MB21D2: variants seen among roughly 807,000 people sequenced by gnomAD.
MB21D2 encodes nucleotidyltransferase MB21D2.
Under a neutral mutation model 33.3 loss-of-function variants are expected in MB21D2, and 9 were observed. The observed-to-expected ratio is 0.27, with a 90% CI of 0.16 to 0.47. The LOEUF (loss-of-function observed/expected upper bound fraction) is 0.47. MB21D2 is among the 20% of genes least tolerant of loss of function. The pLI is 0.99. For synonymous variants in MB21D2, 241 were observed against 236.3 expected (o/e 1.02, Z -0.18); for missense variants, 540 against 624.6 (o/e 0.86, Z 1.44).
At chr3:192,807,333 C>T (rs955186289) in intron 1 of MB21D2, among the ~76,000 whole-genome samples, 61 of 82,686 alleles carry the variant, frequency 7.4e-4, no homozygotes, top group Non-Finnish European at 1.2e-3. Context: ...TCTTGAAAGG[C>T]CAAAAAAAAA....
intron 1 of MB21D2, among the ~76,000 whole-genome samples, chr3:192,829,902 T>C (rs1712275787): frequency 6.6e-6 from 1 of 152,168 alleles, no homozygotes; most frequent in Admixed American, 6.5e-5. Flanking sequence ...AATTTATTTG[T>C]TTATTGTAGA....
intron 1 of MB21D2, among the ~76,000 whole-genome samples, chr3:192,902,432 G>A (rs758980670): frequency 2.0e-4 from 31 of 152,112 alleles, no homozygotes; most frequent in Non-Finnish European, 3.4e-4. Context: ...TATAAAGTGC[G>A]GACAGGTAAC....
chr3:192,873,279 C>G (rs773481353), intron 1 of MB21D2, among the ~76,000 whole-genome samples: 57 of 152,134 alleles, frequency 3.7e-4, no homozygotes, highest in Middle Eastern at 3.2e-3. Context: ...TTCCTATATT[C>G]CAAGGAGCAT....
intron 1 of MB21D2, among the ~76,000 whole-genome samples, chr3:192,900,623 A>G (rs1375213497): frequency 6.6e-6 from 1 of 151,612 alleles, no homozygotes; most frequent in African/African-American, 2.4e-5. Context: ...TTTGCTCCCT[A>G]TTGTATTCCT....
intron 1 of MB21D2, among the ~76,000 whole-genome samples, chr3:192,835,455 CAAAA>C (rs34280688): frequency 1.6e-5 from 1 of 61,172 alleles, no homozygotes; most frequent in African/African-American, 5.7e-5. Context: ...GACTCTGTCT[CAAAA>C]AAAAAAAAAA....
intron 1 of MB21D2, among the ~76,000 whole-genome samples, chr3:192,841,594 G>A (rs1688618130): frequency 1.3e-5 from 2 of 152,364 alleles, no homozygotes; most frequent in South Asian, 4.1e-4. Context: ...GCCCAGTCAA[G>A]TGTTCCAAAG....
At chr3:192,884,572 T>C (rs1013668839) in intron 1 of MB21D2, among the ~76,000 whole-genome samples, 21 of 152,006 alleles carry the variant, frequency 1.4e-4, no homozygotes, top group Admixed American at 5.2e-4. Context: ...TTTCACCGTG[T>C]TAGCCAGGAT....
At chr3:192,830,243 T>TGTGTGTGA (rs1394958486) in intron 1 of MB21D2, among the ~76,000 whole-genome samples, 1 of 34,536 alleles carries the variant, frequency 2.9e-5, no homozygotes, top group African/African-American at 1.3e-4. Flanking sequence ...TGTGTGTGAG[T>TGTGTGTGA]GTGTGTGTGT....
intron 1 of MB21D2, among the ~76,000 whole-genome samples, chr3:192,800,215 T>C (rs1485530584): frequency 6.6e-6 from 1 of 152,170 alleles, no homozygotes; most frequent in Non-Finnish European, 1.5e-5. Flanking sequence ...AATGAGTTCA[T>C]AACTCTCTTT....
At chr3:192,804,561 C>A (rs1180037723) in intron 1 of MB21D2, among the ~76,000 whole-genome samples, 1 of 151,652 alleles carries the variant, frequency 6.6e-6, no homozygotes. Flanking sequence ...TTTTTATATA[C>A]CTTTGACTAT....
intron 1 of MB21D2, among the ~76,000 whole-genome samples, chr3:192,901,738 C>T (rs182624887): frequency 2.1e-4 from 32 of 152,312 alleles, no homozygotes; most frequent in African/African-American, 7.0e-4. Context: ...TCACATAAAA[C>T]CCAACTCAAT....
intron 1 of MB21D2, among the ~76,000 whole-genome samples, chr3:192,814,686 C>T (rs1711878034): frequency 6.6e-6 from 1 of 150,418 alleles, no homozygotes; most frequent in South Asian, 2.1e-4. Flanking sequence ...CACGGTGAAA[C>T]CCTGTCTCTA....
chr3:192,899,567 G>C (rs1165663605), intron 1 of MB21D2, among the ~76,000 whole-genome samples: 1 of 152,116 alleles, frequency 6.6e-6, no homozygotes, highest in Non-Finnish European at 1.5e-5. Flanking sequence ...TGCCCATAAT[G>C]GGTTCAGGCG....
intron 1 of MB21D2, among the ~76,000 whole-genome samples, chr3:192,912,673 CAAAAAAA>C (rs199707656): frequency 7.0e-6 from 1 of 143,474 alleles, no homozygotes; most frequent in African/African-American, 2.6e-5. Context: ...AACTGTATCT[CAAAAAAA>C]AAAGAAAAAA....
intron 1 of MB21D2, among the ~76,000 whole-genome samples, chr3:192,815,857 T>C (rs1711910438): frequency 6.6e-6 from 1 of 152,200 alleles, no homozygotes; most frequent in African/African-American, 2.4e-5. Flanking sequence ...TTGTCCTCTA[T>C]TCAATCTCAA....
intron 1 of MB21D2, among the ~76,000 whole-genome samples, chr3:192,842,879 T>C (rs915088811): frequency 4.6e-5 from 7 of 152,208 alleles, no homozygotes; most frequent in Admixed American, 2.6e-4. Flanking sequence ...GTGGAAATTA[T>C]GGCAGGAAAA....
In MB21D2 at chr3:192,842,036, A is replaced by G. The variant is rs146915058; in HGVS notation, c.212-42386T>C. On this transcript the variant is annotated intron_variant, in intron 1 of 1. Transcript: ENST00000392452. Reference sequence around the variant, plus strand: ...TTTATACAGGCAATGGAGCACAAGCAGGGTGCTTGAGCAAGGAGATGACTG... The same window carrying G: ...TTTATACAGGCAATGGAGCACAAGCGGGGTGCTTGAGCAAGGAGATGACTG... Among the ~76,000 whole-genome samples the G allele has an allele frequency of 1.1e-4, 16 of 152,294 alleles. No individual in the cohort carries two copies. The East Asian group carries it at 3.1e-3, about 29-fold the overall frequency.
At chr3:192,816,558 T>C (rs60519659) in intron 1 of MB21D2, among the ~76,000 whole-genome samples, 29,901 of 152,114 alleles carry the variant, frequency 0.2, 5,114 homozygotes, top group African/African-American at 0.47. Context: ...AATTAATACC[T>C]GATTTTACTG....
At chr3:192,801,386 A>G (rs1711559513) in intron 1 of MB21D2, among the ~76,000 whole-genome samples, 1 of 152,226 alleles carries the variant, frequency 6.6e-6, no homozygotes, top group African/African-American at 2.4e-5. Flanking sequence ...TTTGCTCTTC[A>G]TAGGACAATC....
Sources: gnomAD v4.1 joint callset for allele counts (sites outside exome capture counted in the v4.1 genomes callset) on GRCh38, gnomAD v4.1.1 for gene constraint, MANE v1.5 for transcripts, NCBI Gene and HGNC (gene_info 2026-07-23, HGNC 2026-07-21) for gene names.